Variants in PTPRR observed in about 807,000 individuals in gnomAD.
The protein encoded by PTPRR is protein tyrosine phosphatase receptor type R, also known as receptor-type tyrosine-protein phosphatase R.
Under a neutral mutation model 77.2 loss-of-function variants are expected in PTPRR, and 38 were observed. The observed-to-expected ratio is 0.49, with a 90% confidence interval of 0.38 to 0.65. PTPRR has a LOEUF of 0.65. Ranked by LOEUF, PTPRR falls within the 30% of genes least tolerant of loss-of-function variation. The probability of loss-of-function intolerance (pLI) is 0.00; values close to 1 mark genes in which losing one functional copy is unlikely to be tolerated. For missense variants in PTPRR, 744 were observed against 799.2 expected (o/e 0.93, Z 0.83); for synonymous variants, 299 against 283.1 (o/e 1.06, Z -0.57).
At chr12:70,871,406 C>T (rs55680816) in intron 2 of PTPRR, among the ~76,000 whole-genome samples, 34,257 of 152,046 alleles carry the variant, frequency 0.23, 4,103 homozygotes, top group East Asian at 0.4. Flanking sequence ...CATCTCCCCT[C>T]GCACCTGGCC....
In PTPRR at chr12:70,748,335, G is replaced by A. The variant is rs1230631652; in HGVS notation, c.739-2249C>T. Among the ~76,000 whole-genome samples the A allele has an allele frequency of 5.3e-5, 8 of 152,088 alleles. No homozygotes were observed. In the East Asian group the frequency reaches 9.7e-4, roughly 18 times the overall value. On this transcript the variant is annotated intron_variant, in intron 5 of 13. Coordinates refer to ENST00000283228, the MANE Select transcript of PTPRR (RefSeq NM_002849.4). ...ATGTCCTTCTTTGAAACCTCTTTCC[G>A]AAAGCATCTGGAAAAGTGTGTCAGA...
chr12:70,828,248 T>C (rs958946877), intron 2 of PTPRR, among the ~76,000 whole-genome samples: 7 of 152,194 alleles, frequency 4.6e-5, no homozygotes, highest in African/African-American at 1.7e-4. Context: ...GCCTCAGAAA[T>C]TTGTCTCCAC....
At chr12:70,804,095 AT>A (rs1254903462) in intron 2 of PTPRR, among the ~76,000 whole-genome samples, 10 of 147,798 alleles carry the variant, frequency 6.8e-5, no homozygotes, top group African/African-American at 2.2e-4. Context: ...GTCTTCTTAA[AT>A]TTTTTGCCCT....
intron 6 of PTPRR, among the ~76,000 whole-genome samples, chr12:70,726,408 A>G (rs1889437616): frequency 6.6e-6 from 1 of 152,088 alleles, no homozygotes; most frequent in South Asian, 2.1e-4. Flanking sequence ...AGCAAGTGAC[A>G]TAACCTCCTG....
intron 1 of PTPRR, among the ~76,000 whole-genome samples, chr12:70,896,448 G>C (rs980278688): frequency 6.6e-6 from 1 of 151,520 alleles, no homozygotes; most frequent in Non-Finnish European, 1.5e-5. Flanking sequence ...ACGTTCTTAT[G>C]GGGTATTCAT....
intron 6 of PTPRR, among the ~76,000 whole-genome samples, chr12:70,744,125 T>C (rs1890137497): frequency 6.6e-6 from 1 of 152,148 alleles, no homozygotes; most frequent in South Asian, 2.1e-4. Flanking sequence ...ATAATGTGGA[T>C]GACCAGAGTA....
intron 1 of PTPRR, among the ~76,000 whole-genome samples, chr12:70,918,562 A>G (rs1565740963): frequency 6.6e-6 from 1 of 152,210 alleles, no homozygotes; most frequent in Admixed American, 6.5e-5. Context: ...CTGATGAGCA[A>G]AAGTCCTCAT....
chr12:70,896,260 T>C (rs1399364300), intron 1 of PTPRR, among the ~76,000 whole-genome samples: 1 of 151,450 alleles, frequency 6.6e-6, no homozygotes, highest in East Asian at 1.9e-4. Flanking sequence ...AAAGGAGAAA[T>C]GGGAAAATTC....
At chr12:70,687,249 G>T (rs1402861821) in intron 8 of PTPRR, among the ~76,000 whole-genome samples, 1 of 32,788 alleles carries the variant, frequency 3.0e-5, no homozygotes, top group African/African-American at 6.8e-5. Flanking sequence ...CATTATCAAA[G>T]ATGATGTTGA....
At chr12:70,809,675 T>A (rs1262943411) in intron 2 of PTPRR, among the ~76,000 whole-genome samples, 3 of 152,186 alleles carry the variant, frequency 2.0e-5, no homozygotes, top group Non-Finnish European at 4.4e-5. Flanking sequence ...TGATGGAAAG[T>A]TTTAAGTATC....
At chr12:70,864,822 T>A (rs1892813323) in intron 2 of PTPRR, among the ~76,000 whole-genome samples, 1 of 152,174 alleles carries the variant, frequency 6.6e-6, no homozygotes, top group Admixed American at 6.5e-5. Flanking sequence ...TTGCTGTTGT[T>A]GTTTTTGAGA....
chr12:70,874,920 C>CAAA (rs34592534), intron 2 of PTPRR, among the ~76,000 whole-genome samples: 184 of 76,004 alleles, frequency 2.4e-3, no homozygotes, highest in Middle Eastern at 7.9e-3. Context: ...GACTCCATCT[C>CAAA]AAAAAAAAAA....
At chr12:70,659,854 C>T (rs1886730323) in intron 12 of PTPRR, among the ~76,000 whole-genome samples, 1 of 151,868 alleles carries the variant, frequency 6.6e-6, no homozygotes, top group Non-Finnish European at 1.5e-5. Context: ...AACAAAGCAA[C>T]CCAAATTATT....
rs536120060 is a variant in PTPRR at position 70,708,341 on chromosome 12, A to G, written c.1008-7018T>C. On this transcript the variant is annotated intron_variant, in intron 6 of 13. Coordinates refer to ENST00000283228, the MANE Select transcript of PTPRR (RefSeq NM_002849.4). Reference sequence around the variant, plus strand: ...TGACGGTTTTTCCAGTCCTCTGAAAATACAGGAATTGGGGGGACTATATTA... The same window carrying G: ...TGACGGTTTTTCCAGTCCTCTGAAAGTACAGGAATTGGGGGGACTATATTA... Among the ~76,000 whole-genome samples the G allele has an allele frequency of 5.3e-5, 8 of 152,218 alleles. No individual in the cohort carries two copies. The East Asian group carries it at 9.7e-4, about 18-fold the overall frequency.
At chr12:70,892,277 A>T (rs1242385673) in intron 2 of PTPRR, among the ~76,000 whole-genome samples, 1 of 152,034 alleles carries the variant, frequency 6.6e-6, no homozygotes, top group Non-Finnish European at 1.5e-5. Context: ...AAGTGACCAG[A>T]GGATCTTCAA....
intron 5 of PTPRR, among the ~76,000 whole-genome samples, chr12:70,751,463 A>AAC (rs1159084490): frequency 7.2e-5 from 11 of 152,218 alleles, no homozygotes; most frequent in Admixed American, 2.0e-4. Flanking sequence ...GTGATTTTTA[A>AAC]ACACACACAG....
chr12:70,791,853 T>C (rs1440689974), intron 2 of PTPRR, among the ~76,000 whole-genome samples: 1 of 152,160 alleles, frequency 6.6e-6, no homozygotes, highest in East Asian at 1.9e-4. Flanking sequence ...ATTTTTAAAA[T>C]ACAAAATTAC....
rs558145908 is a variant in PTPRR at position 70,901,299 on chromosome 12, C to T, written c.59-8322G>A. Reference sequence around the variant, plus strand: ...AAATGAATTGTCAAAGAGATGCCTGCACTCCTACGTTCACTGAAGCGTTAT... The same window carrying T: ...AAATGAATTGTCAAAGAGATGCCTGTACTCCTACGTTCACTGAAGCGTTAT... On this transcript the variant is annotated intron_variant, in intron 1 of 13. Coordinates refer to ENST00000283228, the MANE Select transcript of PTPRR (RefSeq NM_002849.4). 7.9e-5 allele frequency among the ~76,000 whole-genome samples: 12 copies of T among 151,630 alleles called. No individual in the cohort carries two copies. The South Asian group carries it at 1.9e-3, about 24-fold the overall frequency.
chr12:70,905,034 C>T (rs1893599831), intron 1 of PTPRR, among the ~76,000 whole-genome samples: 1 of 151,554 alleles, frequency 6.6e-6, no homozygotes, highest in African/African-American at 2.4e-5. Context: ...AGTGATCAGA[C>T]ATAAGAGAAT....
Sources: allele counts gnomAD v4.1 joint callset (sites outside exome capture counted in the v4.1 genomes callset), GRCh38; gene constraint gnomAD v4.1.1; transcripts MANE v1.5; gene names NCBI Gene and HGNC (gene_info 2026-07-23, HGNC 2026-07-21).